The following PDE3B variants were observed in gnomAD, a reference collection of about 807,000 sequenced individuals.
PDE3B encodes the protein cGMP-inhibited 3',5'-cyclic phosphodiesterase 3B.
In PDE3B, 66 loss-of-function variants were observed where a neutral mutation model predicts 116.8. That is an observed-to-expected ratio of 0.56 (90% CI 0.46 to 0.69). PDE3B has a LOEUF of 0.69. Ranked by LOEUF, PDE3B falls within the 30% of genes least tolerant of loss-of-function variation. The pLI is 0.00. For synonymous variants in PDE3B, 595 were observed against 533.6 expected, an observed-to-expected ratio of 1.12 and a Z score of -1.59; for missense variants, 1,384 against 1,368.1, an observed-to-expected ratio of 1.01 and a Z score of -0.18.
At chr11:14,809,726 A>G (rs1040876071) in intron 5 of PDE3B, among the ~76,000 whole-genome samples, 6 of 152,146 alleles carry the variant, frequency 3.9e-5, no homozygotes, top group Non-Finnish European at 7.4e-5. Context: ...GAAGCTAGCT[A>G]TCCTGTCAGC....
chr11:14,888,517 C>T, the PDE3B span, among the ~76,000 whole-genome samples: 1 of 152,158 alleles, frequency 6.6e-6, no homozygotes, highest in South Asian at 2.1e-4. Flanking sequence ...CCTTTGACTG[C>T]CATACTACCC....
chr11:14,686,311 A>T (rs1313222381), intron 1 of PDE3B, among the ~76,000 whole-genome samples: 2 of 152,216 alleles, frequency 1.3e-5, no homozygotes, highest in African/African-American at 4.8e-5. Flanking sequence ...ATTTAATTCC[A>T]TCCTTAAAGG....
chr11:14,714,582 A>G (rs1186950973), intron 1 of PDE3B, among the ~76,000 whole-genome samples: 1 of 150,838 alleles, frequency 6.6e-6, no homozygotes, highest in Non-Finnish European at 1.5e-5. Context: ...TTATACCCTC[A>G]GATTTAATTG....
chr11:14,665,568 A>T lies in PDE3B; in HGVS notation c.978+20515A>T, dbSNP rs1190826631. ...TTAAGCTGATAAGCAACTTCAGCAA[A>T]GTCTCAGGATACAAAGTCAATGTAC... On this transcript the variant is annotated intron_variant, in intron 1 of 15. Transcript: ENST00000282096. Among the ~76,000 whole-genome samples the T allele has an allele frequency of 2.6e-5, 4 of 152,260 alleles. No individual in the cohort carries two copies. In the East Asian group the frequency reaches 7.7e-4, roughly 29 times the overall value.
rs186922475 is a variant in PDE3B at position 14,677,763 on chromosome 11, T to C, written c.978+32710T>C. On this transcript the variant is annotated intron_variant, in intron 1 of 15. Transcript: ENST00000282096. ...TTTCCTTCACTGTAGTTTTATCTTCTTGATGTCATAAGTGAAATCACACAG... is the reference window on the plus strand; with the variant it reads ...TTTCCTTCACTGTAGTTTTATCTTCCTGATGTCATAAGTGAAATCACACAG... Among the ~76,000 whole-genome samples, 394 of 152,364 alleles carry C rather than the reference T, an allele frequency of 2.6e-3. 1 individual carries two copies. Among genetic ancestry groups the C allele is most frequent in the Non-Finnish European group, 3.6e-3 (243 of 68,032 alleles).
chr11:14,793,618 T>C (rs1858458223), intron 4 of PDE3B, among the ~76,000 whole-genome samples: 1 of 152,172 alleles, frequency 6.6e-6, no homozygotes, highest in Admixed American at 6.5e-5. Context: ...ACAGCATATA[T>C]TCAGGGCTCA....
chr11:14,860,582 A>G (rs1306889274), intron 13 of PDE3B, among the ~76,000 whole-genome samples: 1 of 152,166 alleles, frequency 6.6e-6, no homozygotes, highest in African/African-American at 2.4e-5. Flanking sequence ...ATTAATCCTC[A>G]TAGCAGCATG....
At chr11:14,815,884 C>T (rs143164684) in intron 5 of PDE3B, among the ~76,000 whole-genome samples, 31 of 151,766 alleles carry the variant, frequency 2.0e-4, no homozygotes, top group African/African-American at 6.5e-4. Flanking sequence ...AGTAAAGGTA[C>T]GGTGCTCTTT....
rs115479570 is a variant in PDE3B at position 14,865,439 on chromosome 11, T to A, written c.2887-2067T>A. Among the ~76,000 whole-genome samples, 629 of 152,234 alleles carry A rather than the reference T, an allele frequency of 4.1e-3. 5 individuals are homozygous for A. Among genetic ancestry groups the A allele is most frequent in the African/African-American group, 0.015 (610 of 41,554 alleles). On this transcript the variant is annotated intron_variant, in intron 14 of 15. Coordinates refer to ENST00000282096, the MANE Select transcript of PDE3B (RefSeq NM_000922.4). Reference sequence around the variant, plus strand: ...CTACTAGGTGAGGGCTTTCTTAACATGAGTGGAAAGTGGGAGTAATTGAGC... The same window carrying A: ...CTACTAGGTGAGGGCTTTCTTAACAAGAGTGGAAAGTGGGAGTAATTGAGC...
chr11:14,734,891 TG>T (rs1162120184), intron 1 of PDE3B, among the ~76,000 whole-genome samples: 1 of 152,224 alleles, frequency 6.6e-6, no homozygotes, highest in Non-Finnish European at 1.5e-5. Flanking sequence ...TTCTATCTTA[TG>T]TAATATCTGT....
intron 1 of PDE3B, among the ~76,000 whole-genome samples, chr11:14,714,483 T>G (rs991544543): frequency 1.4e-5 from 2 of 146,680 alleles, no homozygotes; most frequent in Non-Finnish European, 3.0e-5. Flanking sequence ...CAGGCTGCAG[T>G]GAGCCATGCC....
At position 14,869,020 on chromosome 11, in the gene PDE3B, C is replaced by CA. The variant is rs1278465595; in HGVS notation, c.3140-428dup. On this transcript the variant is annotated intron_variant, in intron 15 of 15. Coordinates refer to ENST00000282096, the MANE Select transcript of PDE3B (RefSeq NM_000922.4). ...TGGGCGACAGAGCAAGACTCCGTCT[C>CA]AAAAAAAAAAAAATTGTACTCATCA... Among the ~76,000 whole-genome samples the CA allele has an allele frequency of 3.7e-3, 506 of 136,038 alleles. 1 individual carries two copies. The highest frequency in any genetic ancestry group is 9.4e-3 in the African/African-American group (349 of 37,172). The allele number at this position is 136,038 out of a possible 152,430, so 89.2% of individuals were successfully genotyped here. A position where few individuals can be genotyped will look rare whatever the true frequency, so the allele number is the denominator to read the frequency against.
In PDE3B at chr11:14,832,725, A is replaced by G; in HGVS notation, c.2098A>G (p.Met700Val). The change falls in exon 10 of 16, where the codon ATG becomes GTG. Residue 700 changes from methionine to valine, a missense_variant. By Grantham distance (21) the Met-to-Val change is conservative (BLOSUM62 1). Around this residue, in one of 2 missense-constraint regions of PDE3B, gnomAD observed 428 missense variants for 561.4 expected, o/e 0.76. Coordinates refer to ENST00000282096, the MANE Select transcript of PDE3B (RefSeq NM_000922.4). ...CTTTATTTTAATTGACATTTAGGTTATGTATACCTTATTTCAAGACACTGG... is the reference window on the plus strand; with the variant it reads ...CTTTATTTTAATTGACATTTAGGTTGTGTATACCTTATTTCAAGACACTGG... ...EKSGRILSQV[M>V]YTLFQDTGLL... 8.9e-7 allele frequency: 1 copy of G among 1,125,778 alleles called. No individual in the cohort carries two copies. The highest frequency in any genetic ancestry group is 1.3e-6 in the Non-Finnish European group (1 of 757,196). The allele number at this position is 1,125,778 out of a possible 1,614,324, so 69.7% of individuals were successfully genotyped here.
At chr11:14,797,670 A>G (rs905183894) in intron 4 of PDE3B, among the ~76,000 whole-genome samples, 3 of 151,940 alleles carry the variant, frequency 2.0e-5, no homozygotes, top group Admixed American at 6.6e-5. Context: ...ATTCCTAGGT[A>G]TTTTATTCTC....
chr11:14,784,200 C>T (rs1858124690), intron 2 of PDE3B, among the ~76,000 whole-genome samples: 1 of 152,042 alleles, frequency 6.6e-6, no homozygotes, highest in South Asian at 2.1e-4. Flanking sequence ...GGAACCCCTG[C>T]TTTAAACAGA....
chr11:14,745,666 T>C (rs557534985), intron 1 of PDE3B, among the ~76,000 whole-genome samples: 24 of 152,202 alleles, frequency 1.6e-4, no homozygotes, highest in Non-Finnish European at 2.9e-4. Context: ...ATATTTTTTT[T>C]ATTTTCCTTC....
intron 12 of PDE3B, among the ~76,000 whole-genome samples, chr11:14,853,920 A>G (rs1468495065): frequency 6.6e-6 from 1 of 152,210 alleles, no homozygotes; most frequent in African/African-American, 2.4e-5. Context: ...CAAAATTTTA[A>G]GTTGAGATTT....
intron 1 of PDE3B, among the ~76,000 whole-genome samples, chr11:14,746,769 G>T (rs1289883992): frequency 6.6e-6 from 1 of 152,214 alleles, no homozygotes; most frequent in African/African-American, 2.4e-5. Flanking sequence ...CAGAAAGCAT[G>T]AGTGAGGCTG....
intron 11 of PDE3B, among the ~76,000 whole-genome samples, chr11:14,841,332 C>CCT (rs939289937): frequency 1.2e-4 from 17 of 146,202 alleles, no homozygotes; most frequent in Middle Eastern, 3.6e-3. Flanking sequence ...TCTCTCTCTC[C>CCT]CTCTCTCTCT....
Sources: gnomAD v4.1 joint callset for allele counts (sites outside exome capture counted in the v4.1 genomes callset) on GRCh38, gnomAD v4.1.1 for gene constraint, gnomAD v4.1.1 regional missense constraint, MANE v1.5 for transcripts, NCBI Gene and HGNC (gene_info 2026-07-23, HGNC 2026-07-21) for gene names.